Variants in PLD5 observed in about 807,000 individuals in gnomAD.
The protein encoded by PLD5 is inactive phospholipase D5.
PLD5 carries 36 observed loss-of-function variants against 61.1 expected under a neutral mutation model. The ratio of observed to expected loss-of-function variants is 0.59; its 90% CI spans 0.45 to 0.78. The LOEUF (loss-of-function observed/expected upper bound fraction) is 0.78, where lower values mean the gene tolerates loss of function less well. Ranked by LOEUF, PLD5 falls within the 30% of genes least tolerant of loss-of-function variation. The pLI, the probability that PLD5 is intolerant of heterozygous loss-of-function variation, is 0.00. For synonymous variants in PLD5, 243 were observed against 242.8 expected, an observed-to-expected ratio of 1.00 and a Z score of -0.01; for missense variants, 515 against 644.4, an observed-to-expected ratio of 0.80 and a Z score of 2.17.
chr1:242,163,137 C>CTTTTA (rs1558291019), intron 5 of PLD5, among the ~76,000 whole-genome samples: 2 of 130,600 alleles, frequency 1.5e-5, no homozygotes, highest in Non-Finnish European at 1.7e-5. Flanking sequence ...CTTTTATTTT[C>CTTTTA]TTTTCTTTTC....
intron 5 of PLD5, among the ~76,000 whole-genome samples, chr1:242,205,044 T>C (rs1669237621): frequency 6.6e-6 from 1 of 152,218 alleles, no homozygotes; most frequent in Non-Finnish European, 1.5e-5. Context: ...TTTAATGGAA[T>C]GGACTGTATC....
chr1:242,396,251 G>A (rs1663567010), intron 1 of PLD5, among the ~76,000 whole-genome samples: 1 of 152,090 alleles, frequency 6.6e-6, no homozygotes, highest in African/African-American at 2.4e-5. Context: ...GTGCATTGTA[G>A]GATGCTGAGC....
chr1:242,137,650 C>A (rs999363675), intron 5 of PLD5, among the ~76,000 whole-genome samples: 6 of 152,174 alleles, frequency 3.9e-5, no homozygotes, highest in South Asian at 2.1e-4. Context: ...TTGGGGAGAA[C>A]CATCCTATAA....
chr1:242,191,849 G>T (rs1054657833), intron 5 of PLD5, among the ~76,000 whole-genome samples: 8 of 151,942 alleles, frequency 5.3e-5, no homozygotes, highest in African/African-American at 1.9e-4. Flanking sequence ...GTACAGACTG[G>T]GGCGAAATAG....
At chr1:242,240,153 A>G (rs1015815355) in intron 4 of PLD5, among the ~76,000 whole-genome samples, 18 of 152,204 alleles carry the variant, frequency 1.2e-4, no homozygotes, top group African/African-American at 4.3e-4. Context: ...TCTTACATCT[A>G]TAGAAATGTT....
intron 3 of PLD5, among the ~76,000 whole-genome samples, chr1:242,278,987 G>A (rs1674565203): frequency 6.6e-6 from 1 of 152,206 alleles, no homozygotes; most frequent in Non-Finnish European, 1.5e-5. Context: ...ATCATATGCA[G>A]CCTGGAGATG....
Position 242,287,060 on chromosome 1 carries a change from G to A in PLD5, c.495+1302C>T, listed in dbSNP as rs369612608. On this transcript the variant is annotated intron_variant, in intron 3 of 9. Transcript: ENST00000536534. ...CGTGCTTCTACCAGTGGAATAGATT[G>A]GGAGCAACATGCTAGGATTCCAGAG... 4.9e-3 allele frequency among the ~76,000 whole-genome samples: 750 copies of A among 152,176 alleles called. 5 individuals are homozygous for A. Among genetic ancestry groups the A allele is most frequent in the African/African-American group, 0.016 (682 of 41,504 alleles).
At chr1:242,321,451 C>G (rs1658404118) in intron 2 of PLD5, among the ~76,000 whole-genome samples, 1 of 152,102 alleles carries the variant, frequency 6.6e-6, no homozygotes, top group Non-Finnish European at 1.5e-5. Context: ...TTACAGGCAC[C>G]TGCAACCATG....
At chr1:242,368,540 G>A (rs1661463507) in intron 1 of PLD5, among the ~76,000 whole-genome samples, 2 of 152,260 alleles carry the variant, frequency 1.3e-5, no homozygotes, top group South Asian at 2.1e-4. Flanking sequence ...TAAAGAGGTG[G>A]TGTCTGATCT....
chr1:242,385,875 G>A (rs1662570415), intron 1 of PLD5, among the ~76,000 whole-genome samples: 1 of 152,170 alleles, frequency 6.6e-6, no homozygotes, highest in Non-Finnish European at 1.5e-5. Context: ...TACACTGAGT[G>A]TATTTCAAAG....
intron 1 of PLD5, among the ~76,000 whole-genome samples, chr1:242,375,193 G>C (rs1015349889): frequency 1.3e-5 from 2 of 152,224 alleles, no homozygotes; most frequent in East Asian, 3.9e-4. Context: ...CAACAGGCTA[G>C]AGGTTTGTGT....
At chr1:242,320,754 C>A (rs1015834997) in intron 2 of PLD5, among the ~76,000 whole-genome samples, 6 of 152,148 alleles carry the variant, frequency 3.9e-5, no homozygotes, top group Admixed American at 2.6e-4. Flanking sequence ...TCCTCCCTGG[C>A]ATCCATTAGA....
chr1:242,182,874 A>T (rs138809195), intron 5 of PLD5, among the ~76,000 whole-genome samples: 39 of 152,258 alleles, frequency 2.6e-4, no homozygotes, highest in African/African-American at 9.4e-4. Context: ...AAATAAAAAT[A>T]AAAAAGCCAA....
chr1:242,297,732 C>T (rs1344592460), intron 2 of PLD5, among the ~76,000 whole-genome samples: 5 of 148,080 alleles, frequency 3.4e-5, no homozygotes, highest in Non-Finnish European at 3.0e-5. Context: ...CTCCGCCTCC[C>T]GGGTTCACGC....
chr1:242,387,690 CTATTTTATATAAAATTTTA>C (rs1662679001), intron 1 of PLD5, among the ~76,000 whole-genome samples: 1 of 142,242 alleles, frequency 7.0e-6, no homozygotes. Context: ...AAAATTTTAT[CTATTTTATATAAAATTTTA>C]TCTATTTTAT....
chr1:242,225,985 C>T (rs1355111742), intron 4 of PLD5, among the ~76,000 whole-genome samples: 2 of 152,200 alleles, frequency 1.3e-5, no homozygotes, highest in Non-Finnish European at 2.9e-5. Flanking sequence ...TACCAGTTTG[C>T]ATTCCCACCA....
At chr1:242,193,326 T>A (rs570977158) in intron 5 of PLD5, among the ~76,000 whole-genome samples, 1 of 152,098 alleles carries the variant, frequency 6.6e-6, no homozygotes, top group Non-Finnish European at 1.5e-5. Context: ...TCATAAAATA[T>A]CACATTGTTT....
intron 5 of PLD5, among the ~76,000 whole-genome samples, chr1:242,137,399 A>G (rs1219713857): frequency 6.6e-6 from 1 of 152,186 alleles, no homozygotes; most frequent in Non-Finnish European, 1.5e-5. Context: ...TTCTTTACCT[A>G]AAACCGTCTT....
At chr1:242,371,556 C>A (rs901372865) in intron 1 of PLD5, among the ~76,000 whole-genome samples, 1 of 152,038 alleles carries the variant, frequency 6.6e-6, no homozygotes, top group Non-Finnish European at 1.5e-5. Context: ...TCTCTCTGGA[C>A]CTCCTTTATT....
Sources: gnomAD v4.1 joint callset for allele counts (sites outside exome capture counted in the v4.1 genomes callset) on GRCh38, gnomAD v4.1.1 for gene constraint, MANE v1.5 for transcripts, NCBI Gene and HGNC (gene_info 2026-07-23, HGNC 2026-07-21) for gene names.